CAP2: variants seen among roughly 807,000 people sequenced by gnomAD.
CAP2 encodes the protein cyclase associated actin cytoskeleton regulatory protein 2, also known as adenylyl cyclase-associated protein 2.
In CAP2, 24 loss-of-function variants were observed where a neutral mutation model predicts 57.7. The observed-to-expected ratio is 0.42, with a 90% CI of 0.30 to 0.58. The LOEUF is 0.58. Ranked by LOEUF, CAP2 falls within the 20% of genes least tolerant of loss-of-function variation. CAP2 has a pLI of 0.22. For synonymous variants in CAP2, 194 were observed against 207.2 expected (o/e 0.94, Z 0.55); for missense variants, 501 against 590.3 (o/e 0.85, Z 1.57).
chr6:17,515,541 A>C (rs1013956396), intron 7 of CAP2, among the ~76,000 whole-genome samples: 55 of 151,950 alleles, frequency 3.6e-4, no homozygotes, highest in African/African-American at 1.0e-3. Context: ...GATCATTCAC[A>C]CCCCCAAACC....
chr6:17,529,173 A>T (rs1192678395), intron 7 of CAP2, among the ~76,000 whole-genome samples: 1 of 152,230 alleles, frequency 6.6e-6, no homozygotes, highest in Non-Finnish European at 1.5e-5. Flanking sequence ...TTTTATGTGC[A>T]CCTTTTTACT....
chr6:17,456,315 G>T (rs1238360711), intron 3 of CAP2, among the ~76,000 whole-genome samples: 3 of 152,192 alleles, frequency 2.0e-5, no homozygotes, highest in Non-Finnish European at 2.9e-5. Flanking sequence ...ATTCTGAAAA[G>T]ATACAGAAAC....
chr6:17,550,401 T>TA (rs1429720439), intron 11 of CAP2, among the ~76,000 whole-genome samples: 6 of 123,736 alleles, frequency 4.8e-5, no homozygotes, highest in Admixed American at 2.5e-4. Context: ...TGCCTTTTTT[T>TA]TTTTTTTTTT....
At chr6:17,536,509 T>G (rs1375511803) in intron 7 of CAP2, among the ~76,000 whole-genome samples, 1 of 152,192 alleles carries the variant, frequency 6.6e-6, no homozygotes, top group Non-Finnish European at 1.5e-5. Context: ...ATTTTCAACT[T>G]TGTAGCATTA....
At chr6:17,455,004 A>G (rs1760519252) in intron 3 of CAP2, among the ~76,000 whole-genome samples, 2 of 152,204 alleles carry the variant, frequency 1.3e-5, no homozygotes, top group South Asian at 4.1e-4. Flanking sequence ...GTAGGTTGTT[A>G]GTCAGACATG....
intron 7 of CAP2, among the ~76,000 whole-genome samples, chr6:17,522,618 T>C (rs1418893364): frequency 6.6e-6 from 1 of 152,134 alleles, no homozygotes; most frequent in East Asian, 1.9e-4. Context: ...TCAGCATATG[T>C]ACGTAAGACA....
intron 11 of CAP2, among the ~76,000 whole-genome samples, chr6:17,548,639 T>A (rs1368182379): frequency 6.6e-6 from 1 of 152,200 alleles, no homozygotes; most frequent in African/African-American, 2.4e-5. Context: ...GGTCTTAAAA[T>A]TCATTTGGAA....
At chr6:17,422,195 T>A (rs574957181) in intron 2 of CAP2, among the ~76,000 whole-genome samples, 1 of 152,358 alleles carries the variant, frequency 6.6e-6, no homozygotes, top group South Asian at 2.1e-4. Flanking sequence ...GGAATTATCA[T>A]TCTGTAGATT....
intron 7 of CAP2, among the ~76,000 whole-genome samples, chr6:17,517,185 A>T (rs1454943943): frequency 6.6e-6 from 1 of 152,258 alleles, no homozygotes; most frequent in African/African-American, 2.4e-5. Context: ...GAAAATCAGG[A>T]GCCCTTGGCT....
In CAP2 at chr6:17,507,310, G is replaced by C. The variant is rs897040191; in HGVS notation, c.442G>C (p.Val148Leu). 13 of 1,614,166 alleles carry C rather than the reference G, an allele frequency of 8.1e-6. No individual in the cohort carries two copies. The highest frequency in any genetic ancestry group is 1.1e-5 in the Non-Finnish European group (13 of 1,179,998). ...CATCCCTGCCCTTGGATGGATAGCT[G>C]TGGTGAGTCCAGGTGCAATGTTGCC... The part of the protein sequence containing the change: ...ESIPALGWIA[V>L]SPKPGPYVKE... The change falls in exon 5 of 13, where the codon GTG becomes CTG. Residue 148 changes from valine (V) to leucine (L), a missense_variant and splice_region_variant. Coordinates refer to ENST00000229922, the MANE Select transcript of CAP2 (RefSeq NM_006366.3).
chr6:17,415,013 G>A (rs1024932052), intron 1 of CAP2, among the ~76,000 whole-genome samples: 2 of 152,194 alleles, frequency 1.3e-5, no homozygotes, highest in African/African-American at 4.8e-5. Context: ...CAGTGATGTT[G>A]AGCTTTTTTC....
At chr6:17,436,861 A>G (rs1759905756) in intron 3 of CAP2, among the ~76,000 whole-genome samples, 1 of 151,822 alleles carries the variant, frequency 6.6e-6, no homozygotes, top group Non-Finnish European at 1.5e-5. Context: ...ACTTAGAGCC[A>G]CTCCCCATCC....
chr6:17,420,307 G>A (rs1360098036), intron 1 of CAP2, among the ~76,000 whole-genome samples: 3 of 152,106 alleles, frequency 2.0e-5, no homozygotes, highest in Non-Finnish European at 4.4e-5. Flanking sequence ...AACATAACCA[G>A]AAGCCTTACA....
intron 7 of CAP2, among the ~76,000 whole-genome samples, chr6:17,516,430 A>G (rs577681213): frequency 1.3e-5 from 2 of 152,268 alleles, no homozygotes; most frequent in East Asian, 3.9e-4. Context: ...ATTAGAAATT[A>G]ATGTTACAGT....
intron 4 of CAP2, among the ~76,000 whole-genome samples, chr6:17,498,530 G>A (rs888981608): frequency 5.9e-5 from 9 of 151,982 alleles, no homozygotes; most frequent in Non-Finnish European, 1.2e-4. Flanking sequence ...GGGCTGCCCC[G>A]GAGGTCTTAT....
chr6:17,461,594 T>C (rs1202022011), intron 3 of CAP2, among the ~76,000 whole-genome samples: 3 of 152,146 alleles, frequency 2.0e-5, no homozygotes, highest in African/African-American at 7.2e-5. Context: ...CTTACAAGAA[T>C]AACTGCATGA....
intron 3 of CAP2, among the ~76,000 whole-genome samples, chr6:17,436,674 T>C (rs772815279): frequency 3.3e-5 from 5 of 151,950 alleles, no homozygotes; most frequent in Non-Finnish European, 7.4e-5. Flanking sequence ...TCTGCTTGTC[T>C]CCCTTGCTCC....
intron 7 of CAP2, chr6:17,531,614 T>G (rs1304604631): frequency 1.5e-6 from 2 of 1,375,948 alleles, no homozygotes; most frequent in Non-Finnish European, 2.0e-6. Context: ...AGGAACCTTC[T>G]TCTTCTCTTC....
chr6:17,429,035 G>A (rs978656140), intron 3 of CAP2, among the ~76,000 whole-genome samples: 4 of 152,222 alleles, frequency 2.6e-5, no homozygotes, highest in Admixed American at 1.3e-4. Context: ...TGATATATAC[G>A]AGTTCTGGAA....
Sources: gnomAD v4.1 joint callset for allele counts (sites outside exome capture counted in the v4.1 genomes callset) on GRCh38, gnomAD v4.1.1 for gene constraint, MANE v1.5 for transcripts, NCBI Gene and HGNC (gene_info 2026-07-23, HGNC 2026-07-21) for gene names.